Variants in LAMA1 observed in about 807,000 individuals in gnomAD.
LAMA1 encodes the protein laminin subunit alpha 1.
A neutral mutation model predicts 348.7 loss-of-function variants in LAMA1; 219 were observed. The observed-to-expected ratio is 0.63, with a 90% confidence interval of 0.56 to 0.70. LAMA1 has a LOEUF of 0.70. LAMA1 is among the 30% of genes least tolerant of loss of function. LAMA1 has a pLI of 0.00. For missense variants in LAMA1, 3,744 were observed against 3,888.0 expected (o/e 0.96, Z 0.99); for synonymous variants, 1,487 against 1,491.0 (o/e 1.00, Z 0.06).
intron 19 of LAMA1, among the ~76,000 whole-genome samples, chr18:7,022,668 C>T (rs943331685): frequency 1.3e-5 from 2 of 152,184 alleles, no homozygotes; most frequent in Admixed American, 6.5e-5. Context: ...TTTCAAGGAT[C>T]GAATTCAGCA....
intron 1 of LAMA1, among the ~76,000 whole-genome samples, chr18:7,100,657 G>T (rs188503292): frequency 6.6e-6 from 1 of 152,234 alleles, no homozygotes; most frequent in African/African-American, 2.4e-5. Context: ...GAACATTATT[G>T]ACATATGCTA....
At position 7,016,544 on chromosome 18, in the gene LAMA1, C is replaced by G; in HGVS notation, c.2936G>C (p.Arg979Thr). The G allele has an allele frequency of 6.2e-7, 1 of 1,614,174 alleles. No homozygotes were observed. Among genetic ancestry groups the G allele is most frequent in the South Asian group, 1.1e-5 (1 of 91,080 alleles). ...GAAGCCATGGGCACACCTGTCACACCTTTTCCCTGCCACACCTGGGACACA... is the reference window on the plus strand; with the variant it reads ...GAAGCCATGGGCACACCTGTCACACGTTTTCCCTGCCACACCTGGGACACA... ...CHCVPGVAGK[R>T]CDRCAHGFYA... The change falls in exon 21 of 63, where the codon AGG becomes ACG. Residue 979 changes from arginine to threonine, a missense_variant. By Grantham distance (71) the Arg-to-Thr change is moderately conservative. This residue lies in a region of LAMA1 where 1,529 missense variants were observed against 1,689.4 expected (regional missense o/e 0.91). Coordinates refer to ENST00000389658, the MANE Select transcript of LAMA1 (RefSeq NM_005559.4).
At chr18:7,004,287 G>A (rs956584996) in intron 29 of LAMA1, among the ~76,000 whole-genome samples, 5 of 152,170 alleles carry the variant, frequency 3.3e-5, no homozygotes, top group African/African-American at 1.2e-4. Context: ...TAACCAGGAC[G>A]AGGAGCTCCC....
intron 3 of LAMA1, among the ~76,000 whole-genome samples, chr18:7,054,015 C>T (rs757877954): frequency 6.6e-6 from 1 of 152,082 alleles, no homozygotes; most frequent in Non-Finnish European, 1.5e-5. Context: ...AAGTGGTCTG[C>T]CCACCTTGAC....
chr18:6,948,481 A>G lies in LAMA1; in HGVS notation c.8632T>C (p.Ser2878Pro), dbSNP rs2057532040. ...SKQLDKDSPV[S>P]AFTVNRCYAV... ...TAGCACCTGTTCACCGTGAAGGCAG[A>G]CACCGGGCTGTCCTTGTCCAGCTGT... Residue 2878 changes from serine to proline, a missense_variant, in exon 60 of 63, where the codon TCT becomes CCT. By Grantham distance (74) the Ser-to-Pro change is moderately conservative. Transcript: ENST00000389658. 6.2e-7 allele frequency: 1 copy of G among 1,614,180 alleles called. No homozygotes were observed. The highest frequency in any genetic ancestry group is 8.5e-7 in the Non-Finnish European group (1 of 1,180,040).
At chr18:7,111,152 G>C (rs144048769) in intron 1 of LAMA1, among the ~76,000 whole-genome samples, 208 of 152,102 alleles carry the variant, frequency 1.4e-3, no homozygotes, top group African/African-American at 4.8e-3. Flanking sequence ...CTGCCTGCTG[G>C]GCCAGCAGAT....
At chr18:7,068,797 G>GAA (rs11300832) in intron 3 of LAMA1, among the ~76,000 whole-genome samples, 6 of 133,748 alleles carry the variant, frequency 4.5e-5, no homozygotes, top group Admixed American at 1.5e-4. Context: ...ACATAAAAAA[G>GAA]AAAAAAAAAA....
intron 58 of LAMA1, 104 bp from the exon 59 acceptor site, chr18:6,949,363 C>A (rs2057536425): frequency 1.8e-6 from 2 of 1,121,736 alleles, no homozygotes; most frequent in Non-Finnish European, 1.3e-6. Flanking sequence ...AGAGCTATAA[C>A]AACCTGAATG....
chr18:6,963,583 G>A (rs2057618771), intron 51 of LAMA1, among the ~76,000 whole-genome samples: 2 of 152,176 alleles, frequency 1.3e-5, no homozygotes, highest in African/African-American at 2.4e-5. Flanking sequence ...CTGAATGGCT[G>A]CAGCTCTGTG....
chr18:7,060,351 G>T (rs2058097826), intron 3 of LAMA1, among the ~76,000 whole-genome samples: 1 of 152,128 alleles, frequency 6.6e-6, no homozygotes, highest in Admixed American at 6.5e-5. Context: ...TTTAAATTTG[G>T]TGCTACCATT....
At chr18:6,986,405 G>C (rs896854179) in intron 36 of LAMA1, 58 bp from the exon 37 acceptor site, 6 of 1,540,072 alleles carry the variant, frequency 3.9e-6, no homozygotes, top group Non-Finnish European at 5.4e-6. Flanking sequence ...TCCTATCTCT[G>C]AAATAATAGT....
In LAMA1 at chr18:6,958,566, G is replaced by A. The variant is rs114578861; in HGVS notation, c.7875C>T (p.Val2625=). The A allele has an allele frequency of 6.5e-5, 105 of 1,614,046 alleles. 2 individuals carry two copies. Among genetic ancestry groups the A allele is most frequent in the Non-Finnish European group, 7.5e-5 (88 of 1,179,944 alleles). ...TCCCCTCTCCCTCTGGAATTCCCCC[G>A]ACGTACAGATTGGACACATTTATCG... ...SRTINVSNLY[V]GGIPEGEGTS... is the part of the protein sequence containing the mutation. Residue 2625 remains valine, a synonymous_variant, in exon 55 of 63, where the codon GTC becomes GTT. Coordinates refer to ENST00000389658, the MANE Select transcript of LAMA1 (RefSeq NM_005559.4).
rs528595025 is a variant in LAMA1 at position 7,005,898 on chromosome 18, G to A, written c.4260+1241C>T. Among the ~76,000 whole-genome samples the A allele has an allele frequency of 2.0e-5, 3 of 152,278 alleles. No individual in the cohort carries two copies. In the South Asian group the frequency reaches 6.2e-4, roughly 32 times the overall value. ...GAATTGTCAAAAAGAGGGAAAACCA[G>A]AATCAAAATGTGGCGGGAGGCAGGT... On this transcript the variant is annotated intron_variant, in intron 29 of 62. Transcript: ENST00000389658.
At chr18:7,107,280 G>C (rs766586912) in intron 1 of LAMA1, among the ~76,000 whole-genome samples, 2 of 151,820 alleles carry the variant, frequency 1.3e-5, no homozygotes, top group African/African-American at 4.8e-5. Context: ...CACCACGCCC[G>C]GCTAATTTTT....
chr18:7,005,738 T>C (rs148984266), intron 29 of LAMA1, among the ~76,000 whole-genome samples: 1,645 of 152,154 alleles, frequency 0.011, 29 homozygotes, highest in African/African-American at 0.037. Context: ...AGAGCAAGCC[T>C]CCATCTTGAA....
intron 29 of LAMA1, among the ~76,000 whole-genome samples, chr18:7,003,417 A>ATTTTAT (rs563797711): frequency 1.3e-5 from 2 of 151,878 alleles, no homozygotes; most frequent in African/African-American, 2.4e-5. Flanking sequence ...CAACCGGCTA[A>ATTTTAT]TTTTATTTTT....
At chr18:6,958,348 G>T in intron 55 of LAMA1, 129 bp downstream of exon 55, 3 of 892,136 alleles carry the variant, frequency 3.4e-6, no homozygotes, top group Admixed American at 1.9e-5. Flanking sequence ...GAACAATGGG[G>T]TTCACTCATT....
chr18:7,053,364 T>C (rs2058069505), intron 3 of LAMA1, among the ~76,000 whole-genome samples: 1 of 152,156 alleles, frequency 6.6e-6, no homozygotes. Flanking sequence ...ATCAATATTG[T>C]CTCATCAATG....
intron 32 of LAMA1, 46 bp from the exon 33 acceptor site, chr18:6,997,930 TG>T (rs1362250584): frequency 1.6e-5 from 26 of 1,583,892 alleles, no homozygotes; most frequent in Non-Finnish European, 2.2e-5. Flanking sequence ...TAATGCGATG[TG>T]GTCTGCCCAT....
Sources: gnomAD v4.1 joint callset for allele counts (sites outside exome capture counted in the v4.1 genomes callset) on GRCh38, gnomAD v4.1.1 for gene constraint, gnomAD v4.1.1 regional missense constraint, MANE v1.5 for transcripts, NCBI Gene and HGNC (gene_info 2026-07-23, HGNC 2026-07-21) for gene names.